Variants in PTPRT observed in about 807,000 individuals in gnomAD.
PTPRT encodes the protein receptor-type tyrosine-protein phosphatase T.
PTPRT carries 56 observed loss-of-function variants against 176.8 expected under a neutral mutation model. The observed-to-expected ratio is 0.32, with a 90% CI of 0.26 to 0.40. The LOEUF (loss-of-function observed/expected upper bound fraction) is 0.40. PTPRT is among the 10% of genes least tolerant of loss of function. PTPRT has a pLI of 1.00. For synonymous variants in PTPRT, 783 were observed against 739.0 expected (o/e 1.06, Z -0.96); for missense variants, 1,540 against 1,908.2 (o/e 0.81, Z 3.60).
At chr20:42,468,999 T>C (rs1381894903) in intron 8 of PTPRT, among the ~76,000 whole-genome samples, 1 of 152,200 alleles carries the variant, frequency 6.6e-6, no homozygotes, top group Non-Finnish European at 1.5e-5. Context: ...TGGACATGTC[T>C]ACAGCTCTGA....
intron 9 of PTPRT, among the ~76,000 whole-genome samples, chr20:42,413,983 C>T (rs2059040844): frequency 6.6e-6 from 1 of 152,148 alleles, no homozygotes; most frequent in Non-Finnish European, 1.5e-5. Context: ...CCCGAGGAGC[C>T]ACCATGCCCG....
intron 2 of PTPRT, among the ~76,000 whole-genome samples, chr20:42,794,281 C>T (rs1483242263): frequency 1.3e-5 from 2 of 152,126 alleles, no homozygotes; most frequent in East Asian, 1.9e-4. Context: ...ACTTTCCAGG[C>T]CTGGTTGGTA....
At chr20:42,878,679 G>A in intron 2 of PTPRT, among the ~76,000 whole-genome samples, 1 of 152,290 alleles carries the variant, frequency 6.6e-6, no homozygotes, top group Admixed American at 6.5e-5. Context: ...ACAGGATGAT[G>A]CCTAACCCAC....
At chr20:42,502,615 T>G (rs1383787008) in intron 7 of PTPRT, among the ~76,000 whole-genome samples, 1 of 152,104 alleles carries the variant, frequency 6.6e-6, no homozygotes, top group African/African-American at 2.4e-5. Context: ...TTGTGCTGGC[T>G]TACTCATTTT....
At chr20:42,062,934 A>C in the PTPRT span, among the ~76,000 whole-genome samples, 1 of 152,214 alleles carries the variant, frequency 6.6e-6, no homozygotes, top group Admixed American at 6.5e-5. Flanking sequence ...TCACTTCTTC[A>C]GGTTCAGCCA....
At chr20:43,055,347 G>C (rs1987194385) in intron 1 of PTPRT, among the ~76,000 whole-genome samples, 1 of 152,186 alleles carries the variant, frequency 6.6e-6, no homozygotes, top group Non-Finnish European at 1.5e-5. Context: ...GCCTCCTTCA[G>C]TTCCTGTCAA....
At chr20:42,322,372 A>G (rs2057812884) in intron 11 of PTPRT, among the ~76,000 whole-genome samples, 1 of 146,890 alleles carries the variant, frequency 6.8e-6, no homozygotes, top group Admixed American at 6.7e-5. Context: ...CTACAAGGCT[A>G]CAGTAACCAA....
At chr20:42,050,140 C>G in the PTPRT span, among the ~76,000 whole-genome samples, 1 of 152,168 alleles carries the variant, frequency 6.6e-6, no homozygotes, top group Admixed American at 6.5e-5. Context: ...AGTGATGTTC[C>G]TTTTTCATTG....
chr20:42,147,582 A>G (rs1473251509), intron 17 of PTPRT, among the ~76,000 whole-genome samples: 1 of 152,202 alleles, frequency 6.6e-6, no homozygotes, highest in African/African-American at 2.4e-5. Flanking sequence ...TCACTCCCAG[A>G]ATCCTTGAAT....
intron 9 of PTPRT, among the ~76,000 whole-genome samples, chr20:42,439,327 G>A (rs1435672270): frequency 1.3e-5 from 2 of 152,144 alleles, no homozygotes; most frequent in Non-Finnish European, 2.9e-5. Context: ...TCAGGAGAGG[G>A]AAAAAGATTT....
chr20:43,183,873 T>A (rs1244942240), intron 1 of PTPRT, among the ~76,000 whole-genome samples: 1 of 152,258 alleles, frequency 6.6e-6, no homozygotes, highest in Non-Finnish European at 1.5e-5. Context: ...TTCATTCCTT[T>A]TTATTCCTAG....
chr20:43,102,886 CT>C (rs2012453188), intron 1 of PTPRT, among the ~76,000 whole-genome samples: 1 of 151,968 alleles, frequency 6.6e-6, no homozygotes, highest in Non-Finnish European at 1.5e-5. Context: ...TCAAGGTGTA[CT>C]TTGGGGGATG....
At chr20:42,838,130 G>A (rs1296914280) in intron 2 of PTPRT, among the ~76,000 whole-genome samples, 17 of 152,090 alleles carry the variant, frequency 1.1e-4, no homozygotes, top group Admixed American at 8.5e-4. Context: ...GGGTTCAAGC[G>A]ATTCTCCTGC....
intron 2 of PTPRT, among the ~76,000 whole-genome samples, chr20:42,809,151 C>G (rs1048009024): frequency 6.6e-6 from 1 of 152,194 alleles, no homozygotes; most frequent in African/African-American, 2.4e-5. Context: ...ATCAAAAGCC[C>G]AAGCACGAGA....
intron 9 of PTPRT, among the ~76,000 whole-genome samples, chr20:42,408,660 G>C (rs758850366): frequency 4.0e-5 from 6 of 151,790 alleles, no homozygotes; most frequent in Admixed American, 6.6e-5. Flanking sequence ...TGGGTGAACA[G>C]AGAATTAAAC....
intron 29 of PTPRT, among the ~76,000 whole-genome samples, chr20:42,082,347 TCACCCAAACCCC>T (rs1983415088): frequency 6.6e-6 from 1 of 152,206 alleles, no homozygotes; most frequent in Non-Finnish European, 1.5e-5. Flanking sequence ...CAGGGCACAC[TCACCCAAACCCC>T]AAGGGCAGGA....
At chr20:43,017,938 C>T (rs978182021) in intron 1 of PTPRT, among the ~76,000 whole-genome samples, 2 of 152,206 alleles carry the variant, frequency 1.3e-5, no homozygotes, top group Non-Finnish European at 2.9e-5. Context: ...GCAATTCACC[C>T]TCCATGTGGC....
intron 7 of PTPRT, among the ~76,000 whole-genome samples, chr20:42,629,110 G>T (rs1435820317): frequency 3.9e-5 from 6 of 151,974 alleles, no homozygotes; most frequent in Admixed American, 3.9e-4. Context: ...AAGAGGAACA[G>T]ATCTGACATA....
intron 1 of PTPRT, among the ~76,000 whole-genome samples, chr20:43,170,950 G>C (rs990731905): frequency 1.3e-5 from 2 of 152,192 alleles, no homozygotes; most frequent in African/African-American, 4.8e-5. Context: ...TGCTGGTCTG[G>C]AAATGAACAT....
Sources: allele counts gnomAD v4.1 joint callset (sites outside exome capture counted in the v4.1 genomes callset), GRCh38; gene constraint gnomAD v4.1.1; transcripts MANE v1.5; gene names NCBI Gene and HGNC (gene_info 2026-07-23, HGNC 2026-07-21).